The following PKNOX2 variants were observed in gnomAD, a reference collection of about 807,000 sequenced individuals.
PKNOX2 encodes PBX/knotted 1 homeobox 2.
In PKNOX2, 14 loss-of-function variants were observed where a neutral mutation model predicts 53.1. That is an observed-to-expected ratio of 0.26 (90% CI 0.17 to 0.41). PKNOX2 has a LOEUF of 0.41. Ranked by LOEUF, PKNOX2 falls within the 10% of genes least tolerant of loss-of-function variation. The pLI is 1.00. For synonymous variants in PKNOX2, 257 were observed against 242.8 expected (o/e 1.06, Z -0.54); for missense variants, 496 against 602.8 (o/e 0.82, Z 1.85).
At chr11:125,384,976 A>G (rs1218937600) in intron 5 of PKNOX2, among the ~76,000 whole-genome samples, 1 of 152,200 alleles carries the variant, frequency 6.6e-6, no homozygotes, top group Non-Finnish European at 1.5e-5. Flanking sequence ...ACACTGGGGT[A>G]TCTGACCTAA....
intron 3 of PKNOX2, among the ~76,000 whole-genome samples, chr11:125,347,859 G>A (rs533427979): frequency 8.5e-5 from 13 of 152,250 alleles, no homozygotes; most frequent in East Asian, 7.7e-4. Flanking sequence ...GAGCCTGTTC[G>A]CGATGGGAAA....
intron 2 of PKNOX2, among the ~76,000 whole-genome samples, chr11:125,321,603 C>A (rs1949517916): frequency 2.0e-5 from 3 of 152,154 alleles, no homozygotes. Context: ...CCCACAGATA[C>A]AGAGGGCTGA....
At chr11:125,362,416 C>T (rs547031836) in intron 4 of PKNOX2, among the ~76,000 whole-genome samples, 49 of 152,218 alleles carry the variant, frequency 3.2e-4, no homozygotes, top group African/African-American at 1.1e-3. Flanking sequence ...CTCTATCTCC[C>T]AGGCTGGAGC....
At chr11:125,283,900 T>C (rs1946733109) in intron 2 of PKNOX2, among the ~76,000 whole-genome samples, 1 of 152,182 alleles carries the variant, frequency 6.6e-6, no homozygotes, top group Non-Finnish European at 1.5e-5. Flanking sequence ...TGACAGTGTT[T>C]GCTCTAAAAT....
At chr11:125,358,479 A>T (rs1591540964) in intron 4 of PKNOX2, among the ~76,000 whole-genome samples, 1 of 152,232 alleles carries the variant, frequency 6.6e-6, no homozygotes, top group South Asian at 2.1e-4. Flanking sequence ...CAGGAAATGC[A>T]GTTAGGGGCA....
chr11:125,278,962 C>T (rs1252256960), intron 2 of PKNOX2, among the ~76,000 whole-genome samples: 4 of 152,238 alleles, frequency 2.6e-5, no homozygotes, highest in African/African-American at 9.6e-5. Flanking sequence ...GGCGGATGTC[C>T]GTTTTCCCAG....
chr11:125,383,002 A>G (rs1049049354), intron 5 of PKNOX2, among the ~76,000 whole-genome samples: 2 of 152,166 alleles, frequency 1.3e-5, no homozygotes, highest in African/African-American at 2.4e-5. Context: ...ATCGGCTTCC[A>G]AAACCAGGGT....
chr11:125,293,764 C>T (rs1947466964), intron 2 of PKNOX2, among the ~76,000 whole-genome samples: 1 of 151,590 alleles, frequency 6.6e-6, no homozygotes, highest in South Asian at 2.1e-4. Context: ...CACACACCCA[C>T]ACTCACATAC....
At chr11:125,312,749 G>C (rs983687886) in intron 2 of PKNOX2, among the ~76,000 whole-genome samples, 1 of 152,328 alleles carries the variant, frequency 6.6e-6, no homozygotes, top group Middle Eastern at 3.4e-3. Context: ...GGGCTCAGCA[G>C]CACCATACAG....
At chr11:125,297,935 C>T (rs1178289663) in intron 2 of PKNOX2, among the ~76,000 whole-genome samples, 1 of 152,168 alleles carries the variant, frequency 6.6e-6, no homozygotes, top group African/African-American at 2.4e-5. Context: ...CTTCTGAGGA[C>T]AGTCTTAATC....
intron 1 of PKNOX2, among the ~76,000 whole-genome samples, chr11:125,187,406 C>T (rs1293991795): frequency 6.6e-6 from 1 of 152,024 alleles, no homozygotes; most frequent in Non-Finnish European, 1.5e-5. Flanking sequence ...TTTCAGTATA[C>T]AAGTCTTTCA....
rs139685633 is a variant in PKNOX2 at position 125,173,803 on chromosome 11, C to T, written c.-201+9027C>T. On this transcript the variant is annotated intron_variant, in intron 1 of 12. Transcript: ENST00000298282. ...GGTGGAAAGAATTCCCTCGGGGGCT[C>T]GTGCCCGTGGTCATCAGCTCACAAT... Among the ~76,000 whole-genome samples the T allele has an allele frequency of 3.9e-3, 588 of 152,252 alleles. 4 individuals carry two copies. Among genetic ancestry groups the T allele is most frequent in the Middle Eastern group, 0.017 (5 of 294 alleles).
At chr11:125,350,329 T>C (rs7129154) in intron 3 of PKNOX2, among the ~76,000 whole-genome samples, 17,121 of 152,156 alleles carry the variant, frequency 0.11, 2,168 homozygotes, top group African/African-American at 0.31. Context: ...CGCCTGCTTA[T>C]TGGTGATGGG....
chr11:125,169,697 T>TA (rs991234626), intron 1 of PKNOX2, among the ~76,000 whole-genome samples: 24 of 151,816 alleles, frequency 1.6e-4, no homozygotes, highest in South Asian at 6.2e-4. Flanking sequence ...GCGCTCTGAG[T>TA]AAAAAAAATG....
intron 10 of PKNOX2, among the ~76,000 whole-genome samples, chr11:125,412,301 C>G (rs746036089): frequency 2.0e-5 from 3 of 152,186 alleles, no homozygotes; most frequent in Non-Finnish European, 4.4e-5. Flanking sequence ...CTGAGTCCTC[C>G]CCACTGGGTG....
intron 2 of PKNOX2, among the ~76,000 whole-genome samples, chr11:125,285,113 G>T (rs747991399): frequency 5.3e-5 from 8 of 152,058 alleles, no homozygotes; most frequent in Non-Finnish European, 2.9e-5. Flanking sequence ...GCATTGTGGC[G>T]CCTAAAGCAA....
rs547548953 is a variant in PKNOX2, at chr11:125,251,106, C to T, written c.-130+15991C>T. Among the ~76,000 whole-genome samples, 32 of 152,344 alleles carry T rather than the reference C, an allele frequency of 2.1e-4. No individual in the cohort carries two copies. The South Asian group carries it at 4.1e-3, about 20-fold the overall frequency. On this transcript the variant is annotated intron_variant, in intron 2 of 12. Coordinates refer to ENST00000298282, the MANE Select transcript of PKNOX2 (RefSeq NM_001382323.2). The stretch of plus-strand genomic sequence containing the variant: ...GCGGCCTGTAGCCCCCGAGTCATCA[C>T]GGGAGGCGTGTGACTTCTTCTTTCT...
intron 7 of PKNOX2, among the ~76,000 whole-genome samples, 154 bp downstream of exon 7, chr11:125,398,216 T>C (rs931319082): frequency 6.6e-6 from 1 of 152,224 alleles, no homozygotes; most frequent in Non-Finnish European, 1.5e-5. Context: ...CTCTTCTTCA[T>C]ATCCATTAGG....
chr11:125,316,534 AC>A (rs151041143), intron 2 of PKNOX2, among the ~76,000 whole-genome samples: 3,392 of 152,258 alleles, frequency 0.022, 127 homozygotes, highest in African/African-American at 0.075. Flanking sequence ...ATTCCAGACC[AC>A]CACAATAAAG....
Sources: allele counts gnomAD v4.1 joint callset (sites outside exome capture counted in the v4.1 genomes callset), GRCh38; gene constraint gnomAD v4.1.1; transcripts MANE v1.5; gene names NCBI Gene and HGNC (gene_info 2026-07-23, HGNC 2026-07-21).